YEATS4: variants seen among roughly 807,000 people sequenced by gnomAD.
The protein encoded by YEATS4 is YEATS domain containing 4.
YEATS4 carries 17 observed loss-of-function variants against 30.1 expected under a neutral mutation model. The observed-to-expected ratio is 0.56, with a 90% CI of 0.39 to 0.85. The LOEUF (loss-of-function observed/expected upper bound fraction) is 0.85. Ranked by LOEUF, YEATS4 falls within the 40% of genes least tolerant of loss-of-function variation. The pLI is 0.00. For missense variants in YEATS4, 142 were observed against 268.3 expected (o/e 0.53, Z 3.29); for synonymous variants, 85 against 87.5 (o/e 0.97, Z 0.16).
intron 6 of YEATS4, among the ~76,000 whole-genome samples, chr12:69,389,549 T>TCACTCG (rs1868291885): frequency 1.6e-5 from 2 of 124,422 alleles, no homozygotes; most frequent in African/African-American, 6.1e-5. Context: ...AGTCTCACTC[T>TCACTCG]GTCGACCAGG....
At chr12:69,362,658 G>A (rs1592846599) in intron 1 of YEATS4, 130 bp from the exon 2 acceptor site, 1 of 611,984 alleles carries the variant, frequency 1.6e-6, no homozygotes. Context: ...TGATTTGAGA[G>A]AAATCCATAT....
At chr12:69,406,066 A>G in the YEATS4 span, among the ~76,000 whole-genome samples, 10 of 152,326 alleles carry the variant, frequency 6.6e-5, no homozygotes, top group East Asian at 1.9e-3. Context: ...TTTGTTTCCA[A>G]TTATTTTGCT....
At chr12:69,362,760 A>C (rs1875269567) in intron 1 of YEATS4, 28 bp from the exon 2 acceptor site, 1 of 1,551,700 alleles carries the variant, frequency 6.4e-7, no homozygotes, top group Admixed American at 1.8e-5. Flanking sequence ...TACAATATTC[A>C]TTTATTTTAA....
At chr12:69,361,623 TTCAC>T (rs146918832) in intron 1 of YEATS4, among the ~76,000 whole-genome samples, 19,162 of 152,188 alleles carry the variant, frequency 0.13, 1,526 homozygotes, top group Non-Finnish European at 0.18. Flanking sequence ...GTTGGTTACA[TTCAC>T]TCAGCACTTT....
At chr12:69,395,132 CACTTGTTT>C (rs1321743984), downstream of YEATS4, among the ~76,000 whole-genome samples, 3 of 152,118 alleles carry the variant, frequency 2.0e-5, no homozygotes, top group East Asian at 3.9e-4. Flanking sequence ...TTAAAATTCA[CACTTGTTT>C]ACTTTTTTAT....
chr12:69,360,856 G>A (rs762274105), intron 1 of YEATS4, among the ~76,000 whole-genome samples: 2 of 151,430 alleles, frequency 1.3e-5, no homozygotes, highest in Non-Finnish European at 2.9e-5. Flanking sequence ...AATCAGAAGG[G>A]GTACAAATAG....
At chr12:69,388,311 A>C (rs1007826642) in intron 6 of YEATS4, among the ~76,000 whole-genome samples, 1 of 152,200 alleles carries the variant, frequency 6.6e-6, no homozygotes, top group African/African-American at 2.4e-5. Flanking sequence ...TAATTACTTC[A>C]TGTAATCTTC....
At chr12:69,419,234 T>TTTTTTTTTTTTTTTG in the YEATS4 span, among the ~76,000 whole-genome samples, 1 of 145,926 alleles carries the variant, frequency 6.9e-6, no homozygotes, top group Non-Finnish European at 1.5e-5. Context: ...TTTTTTTTTT[T>TTTTTTTTTTTTTTTG]TTTAGAGACA....
the YEATS4 span, among the ~76,000 whole-genome samples, chr12:69,411,326 C>T: frequency 1.3e-5 from 2 of 152,096 alleles, no homozygotes; most frequent in African/African-American, 2.4e-5. Flanking sequence ...AATGGGGTTT[C>T]GCCATGTTGC....
At chr12:69,386,851 AT>A (rs1178466003) in intron 6 of YEATS4, among the ~76,000 whole-genome samples, 16 of 152,200 alleles carry the variant, frequency 1.1e-4, no homozygotes, top group African/African-American at 3.9e-4. Flanking sequence ...CAAGCCCTAT[AT>A]ACTGTTTTTT....
Position 69,360,695 on chromosome 12 carries a change from C to CT in YEATS4, c.51+673dup, listed in dbSNP as rs1339465032. Among the ~76,000 whole-genome samples the CT allele has an allele frequency of 2.0e-5, 3 of 147,660 alleles. No individual in the cohort carries two copies. In the East Asian group the frequency reaches 6.0e-4, roughly 29 times the overall value. On this transcript the variant is annotated intron_variant, in intron 1 of 6. Transcript: ENST00000247843. Reference sequence around the variant, plus strand: ...TTTTTTTTTTTTTGAGACGAAGTGTCTGTCTTGTTGCCCAGGCTGGAGCGC... The same window carrying CT: ...TTTTTTTTTTTTTGAGACGAAGTGTCTTGTCTTGTTGCCCAGGCTGGAGCGC...
chr12:69,389,238 T>C (rs1480456709), intron 6 of YEATS4, among the ~76,000 whole-genome samples: 7 of 151,944 alleles, frequency 4.6e-5, no homozygotes, highest in Non-Finnish European at 7.4e-5. Flanking sequence ...TTGCCTGAGC[T>C]CAGGAGTTCG....
At chr12:69,416,174 A>G in the YEATS4 span, among the ~76,000 whole-genome samples, 1 of 152,174 alleles carries the variant, frequency 6.6e-6, no homozygotes, top group African/African-American at 2.4e-5. Flanking sequence ...CGCTGCCACC[A>G]TCGCTCACCT....
chr12:69,369,392 C>G (rs539174081), intron 4 of YEATS4, among the ~76,000 whole-genome samples: 1 of 152,120 alleles, frequency 6.6e-6, no homozygotes. Flanking sequence ...CTGAAATGTC[C>G]TTATTTTTTC....
At chr12:69,415,510 G>T in the YEATS4 span, among the ~76,000 whole-genome samples, 1 of 152,160 alleles carries the variant, frequency 6.6e-6, no homozygotes, top group African/African-American at 2.4e-5. Context: ...GCACTGAGCT[G>T]AGATCATGCC....
the YEATS4 span, among the ~76,000 whole-genome samples, chr12:69,398,874 G>A: frequency 1.3e-5 from 2 of 151,300 alleles, no homozygotes; most frequent in Non-Finnish European, 2.9e-5. Context: ...GCTTTGGCCG[G>A]GTGTGGTGGC....
intron 6 of YEATS4, among the ~76,000 whole-genome samples, chr12:69,379,364 T>C (rs1185401344): frequency 6.6e-6 from 1 of 152,046 alleles, no homozygotes; most frequent in Non-Finnish European, 1.5e-5. Context: ...CTCCTCTCTC[T>C]CTCTATCTCC....
the YEATS4 span, among the ~76,000 whole-genome samples, chr12:69,409,271 C>T: frequency 0.67 from 102,359 of 152,022 alleles, 34,583 homozygotes; most frequent in East Asian, 0.81. Flanking sequence ...AACTGAGAGA[C>T]GTATGTAAAG....
the YEATS4 span, among the ~76,000 whole-genome samples, chr12:69,416,796 G>T: frequency 2.8e-4 from 43 of 152,320 alleles, no homozygotes; most frequent in African/African-American, 8.7e-4. Context: ...TGGTCAGCCG[G>T]TGGCGGTGGC....
Sources: allele counts gnomAD v4.1 joint callset (sites outside exome capture counted in the v4.1 genomes callset), GRCh38; gene constraint gnomAD v4.1.1; transcripts MANE v1.5; gene names NCBI Gene and HGNC (gene_info 2026-07-23, HGNC 2026-07-21).